The following COL24A1 variants were observed in gnomAD, a reference collection of about 807,000 sequenced individuals.
The protein encoded by COL24A1 is collagen alpha-1(XXIV) chain.
Under a neutral mutation model 253.9 loss-of-function variants are expected in COL24A1, and 224 were observed. That is an observed-to-expected ratio of 0.88 (90% CI 0.79 to 0.99). The LOEUF is 0.99. Among genes scored for constraint, COL24A1 ranks in the 50% least tolerant of loss-of-function variants. COL24A1 has a pLI of 0.00. For missense variants in COL24A1, 2,131 were observed against 2,068.5 expected (o/e 1.03, Z -0.59); for synonymous variants, 685 against 673.7 (o/e 1.02, Z -0.26).
chr1:86,085,035 T>C (rs749157654), intron 7 of COL24A1, among the ~76,000 whole-genome samples: 5 of 152,228 alleles, frequency 3.3e-5, no homozygotes, highest in Admixed American at 6.5e-5. Context: ...TATAGAACAG[T>C]AGAATTCTCC....
chr1:85,761,144 A>T (rs1666805447), intron 55 of COL24A1, among the ~76,000 whole-genome samples: 1 of 152,208 alleles, frequency 6.6e-6, no homozygotes, highest in Non-Finnish European at 1.5e-5. Flanking sequence ...AATGTGCTGC[A>T]TGCTTTACTT....
At chr1:85,844,320 T>C (rs181640074) in intron 39 of COL24A1, among the ~76,000 whole-genome samples, 9 of 152,194 alleles carry the variant, frequency 5.9e-5, no homozygotes, top group Admixed American at 2.6e-4. Flanking sequence ...ATAACTCTTG[T>C]TCAGGAGAAA....
intron 2 of COL24A1, among the ~76,000 whole-genome samples, chr1:86,138,583 A>G (rs1650603677): frequency 6.6e-6 from 1 of 152,122 alleles, no homozygotes. Flanking sequence ...GCCTGCTGCC[A>G]TCGAGGTAAG....
chr1:86,019,808 C>A (rs987140396), intron 18 of COL24A1, among the ~76,000 whole-genome samples: 4 of 151,994 alleles, frequency 2.6e-5, no homozygotes, highest in African/African-American at 9.7e-5. Context: ...TAAGTAAAAG[C>A]CTCACTCTCA....
chr1:85,896,477 T>C (rs1381123303), intron 28 of COL24A1, 68 bp from the exon 29 acceptor site: 2 of 1,289,334 alleles, frequency 1.6e-6, no homozygotes, highest in Admixed American at 3.6e-5. Context: ...CAGTTATGTG[T>C]CCTCACAGAT....
intron 24 of COL24A1, among the ~76,000 whole-genome samples, chr1:85,924,248 G>A (rs1160745730): frequency 2.0e-5 from 3 of 152,142 alleles, no homozygotes; most frequent in South Asian, 2.1e-4. Flanking sequence ...GGTACAAAGA[G>A]GAGCTGATAC....
chr1:85,768,718 T>TC, intron 53 of COL24A1, among the ~76,000 whole-genome samples: 1 of 152,260 alleles, frequency 6.6e-6, no homozygotes, highest in Admixed American at 6.5e-5. Context: ...GGGGAGATGG[T>TC]CAGTAGGCTT....
At chr1:85,863,611 G>A (rs1679422689) in intron 37 of COL24A1, among the ~76,000 whole-genome samples, 1 of 152,150 alleles carries the variant, frequency 6.6e-6, no homozygotes, top group Admixed American at 6.6e-5. Flanking sequence ...AGAGTGAACA[G>A]GCAACCTATA....
chr1:86,058,871 T>C lies in COL24A1; in HGVS notation c.1806+250A>G, dbSNP rs114311971. On this transcript the variant is annotated intron_variant, in intron 9 of 59. Transcript: ENST00000370571. ...TGTTTTAAGAACTTATTAACACTTG[T>C]GCATTTTAATTTTGAAGGTTCCATT... Among the ~76,000 whole-genome samples, 795 of 152,298 alleles carry C rather than the reference T, an allele frequency of 5.2e-3. 12 individuals are homozygous for C. Among genetic ancestry groups the C allele is most frequent in the East Asian group, 0.046 (239 of 5,194 alleles).
intron 18 of COL24A1, among the ~76,000 whole-genome samples, chr1:86,019,501 T>G (rs890500901): frequency 2.2e-4 from 34 of 151,774 alleles, no homozygotes; most frequent in Non-Finnish European, 4.7e-4. Flanking sequence ...GAGACTGCAG[T>G]GAGCTGTGAT....
chr1:85,880,686 A>G (rs1341051937), intron 32 of COL24A1, among the ~76,000 whole-genome samples: 3 of 151,176 alleles, frequency 2.0e-5, no homozygotes, highest in Non-Finnish European at 4.4e-5. Flanking sequence ...ATGTTTTTCA[A>G]AAAGCTGAGG....
chr1:85,987,989 T>C (rs1571489701), intron 19 of COL24A1, among the ~76,000 whole-genome samples: 1 of 151,878 alleles, frequency 6.6e-6, no homozygotes, highest in East Asian at 1.9e-4. Context: ...TCATATGGGA[T>C]ATAGGGCTAC....
chr1:86,044,865 G>T (rs867168262), intron 12 of COL24A1, among the ~76,000 whole-genome samples: 2 of 152,166 alleles, frequency 1.3e-5, no homozygotes, highest in African/African-American at 4.8e-5. Flanking sequence ...ATAATTGGTG[G>T]TTATCTAAGT....
In COL24A1 at chr1:86,022,303, G is replaced by C. The variant is rs1167814869; in HGVS notation, c.2203-10C>G. 1 of 1,521,508 alleles carries C rather than the reference G, an allele frequency of 6.6e-7. No homozygotes were observed. 94.3% of individuals were successfully genotyped at this position (1,521,508 alleles called of 1,614,324 possible). On this transcript the variant is annotated splice_polypyrimidine_tract_variant and intron_variant, in intron 17 of 59. Coordinates refer to ENST00000370571, the MANE Select transcript of COL24A1 (RefSeq NM_152890.7). ...GTAAACCAACAGCACCCTAAGAGAAGAGAATAACAGAAGAGAAAGTTATTA... is the reference window on the plus strand; with the variant it reads ...GTAAACCAACAGCACCCTAAGAGAACAGAATAACAGAAGAGAAAGTTATTA...
chr1:86,056,022 G>C (rs557717252), intron 10 of COL24A1, among the ~76,000 whole-genome samples: 1 of 151,806 alleles, frequency 6.6e-6, no homozygotes, highest in African/African-American at 2.4e-5. Context: ...GGAGGTTGAG[G>C]CAGGAGAATC....
chr1:86,056,065 C>T (rs1409307046), intron 10 of COL24A1, among the ~76,000 whole-genome samples: 1 of 151,320 alleles, frequency 6.6e-6, no homozygotes, highest in Non-Finnish European at 1.5e-5. Flanking sequence ...TTGCAGTGAG[C>T]CGAGATCACA....
intron 5 of COL24A1, among the ~76,000 whole-genome samples, chr1:86,095,534 A>G (rs1333744880): frequency 6.6e-6 from 1 of 152,106 alleles, no homozygotes; most frequent in Admixed American, 6.5e-5. Context: ...TAAAATGTCA[A>G]GGAAGTAGGG....
At chr1:86,141,275 C>T (rs188563792) in intron 2 of COL24A1, among the ~76,000 whole-genome samples, 2 of 152,254 alleles carry the variant, frequency 1.3e-5, no homozygotes, top group East Asian at 1.9e-4. Context: ...ATGAATTCAG[C>T]ATTGAGGCTT....
intron 24 of COL24A1, among the ~76,000 whole-genome samples, chr1:85,922,524 T>C (rs1246877458): frequency 6.6e-6 from 1 of 152,156 alleles, no homozygotes; most frequent in Non-Finnish European, 1.5e-5. Flanking sequence ...TCAACATTCT[T>C]AAAGAAAAGA....
Sources: gnomAD v4.1 joint callset for allele counts (sites outside exome capture counted in the v4.1 genomes callset) on GRCh38, gnomAD v4.1.1 for gene constraint, MANE v1.5 for transcripts, NCBI Gene and HGNC (gene_info 2026-07-23, HGNC 2026-07-21) for gene names.